RBMS2: variants seen among roughly 807,000 people sequenced by gnomAD.
The protein encoded by RBMS2 is RNA binding motif single stranded interacting protein 2.
Under a neutral mutation model 58.4 loss-of-function variants are expected in RBMS2, and 38 were observed. The observed-to-expected ratio is 0.65, with a 90% CI of 0.50 to 0.85. RBMS2 has a LOEUF of 0.85. Ranked by LOEUF, RBMS2 falls within the 40% of genes least tolerant of loss-of-function variation. The probability of loss-of-function intolerance (pLI) is 0.00; values close to 1 mark genes in which losing one functional copy is unlikely to be tolerated. For missense variants in RBMS2, 367 were observed against 503.7 expected (o/e 0.73, Z 2.60); for synonymous variants, 151 against 180.7 (o/e 0.84, Z 1.32).
intron 1 of RBMS2, among the ~76,000 whole-genome samples, chr12:56,538,725 C>A (rs916703821): frequency 6.6e-6 from 1 of 151,946 alleles, no homozygotes; most frequent in Admixed American, 6.6e-5. Flanking sequence ...CGTGATCCAC[C>A]CGCCTTGGCC....
At chr12:56,524,811 C>T (rs1055720386) in intron 1 of RBMS2, among the ~76,000 whole-genome samples, 1 of 152,114 alleles carries the variant, frequency 6.6e-6, no homozygotes, top group Non-Finnish European at 1.5e-5. Flanking sequence ...CCTCCGCCTC[C>T]TGGGTTCAAG....
chr12:56,522,843 A>G (rs1592300884), intron 1 of RBMS2, among the ~76,000 whole-genome samples: 1 of 152,184 alleles, frequency 6.6e-6, no homozygotes. Flanking sequence ...GACAAGGAAT[A>G]TATTTGGCAG....
In RBMS2 at chr12:56,592,778, T is replaced by C. The variant is rs2136637381; in HGVS notation, c.*3645T>C. On this transcript the variant is annotated 3_prime_UTR_variant, in exon 14 of 14. Coordinates refer to ENST00000262031, the MANE Select transcript of RBMS2 (RefSeq NM_002898.4). The stretch of plus-strand genomic sequence containing the variant: ...TGCCCGCCTTAGCCTCCCAAAGTGC[T>C]GGGATTACAGGCGTGAGCCACCGCG... 1 of 152,280 alleles carries C rather than the reference T, an allele frequency of 6.6e-6. No individual in the cohort carries two copies. The highest frequency in any genetic ancestry group is 6.5e-5 in the Admixed American group (1 of 15,282). 9.4% of individuals were successfully genotyped at this position (152,280 alleles called of 1,614,324 possible). A position where few individuals can be genotyped will look rare whatever the true frequency, so the allele number is the denominator to read the frequency against.
chr12:56,548,321 C>T (rs1406363746), intron 1 of RBMS2, among the ~76,000 whole-genome samples: 2 of 152,040 alleles, frequency 1.3e-5, no homozygotes, highest in East Asian at 3.9e-4. Context: ...GTGGCGCATG[C>T]GTGTAATCCC....
At chr12:56,582,234 T>A in intron 9 of RBMS2, 82 bp downstream of exon 9, 1 of 1,226,538 alleles carries the variant, frequency 8.2e-7, no homozygotes, top group African/African-American at 1.5e-5. Flanking sequence ...TAGGAACTAC[T>A]TGTTTTTTGT....
intron 1 of RBMS2, among the ~76,000 whole-genome samples, chr12:56,523,609 A>G (rs1872141046): frequency 6.6e-6 from 1 of 152,076 alleles, no homozygotes; most frequent in Non-Finnish European, 1.5e-5. Flanking sequence ...TGAAACCCCA[A>G]ATTAGCTGGG....
chr12:56,574,725 A>G (rs536939829), intron 5 of RBMS2, among the ~76,000 whole-genome samples: 2 of 152,326 alleles, frequency 1.3e-5, no homozygotes, highest in Admixed American at 1.3e-4. Context: ...ATTCAGATTC[A>G]TGCAAAGTAT....
intron 1 of RBMS2, among the ~76,000 whole-genome samples, chr12:56,546,384 A>C (rs1244207276): frequency 6.0e-5 from 4 of 67,090 alleles, no homozygotes; most frequent in East Asian, 7.3e-4. Context: ...TTATAATGTA[A>C]AATATAATGT....
chr12:56,588,487 C>G, intron 12 of RBMS2, 113 bp downstream of exon 12: 7 of 1,014,982 alleles, frequency 6.9e-6, no homozygotes, highest in Non-Finnish European at 1.1e-5. Context: ...TCACAAATAG[C>G]TGGTAGGTAT....
At chr12:56,538,466 CTTTTTTTTTTTTTT>C (rs58534515) in intron 1 of RBMS2, among the ~76,000 whole-genome samples, 6 of 72,484 alleles carry the variant, frequency 8.3e-5, no homozygotes, top group African/African-American at 1.1e-4. Flanking sequence ...GTACTGATAT[CTTTTTTTTTTTTTT>C]TTTTTTTTTT....
rs1830295948 is a variant in RBMS2 at position 56,592,945 on chromosome 12, T to C, written c.*3812T>C. ...CCTAAGCCTCCCAAGTAGCTGGAAG[T>C]ACAGGCACATACTACCAAGCCCAGT... On this transcript the variant is annotated 3_prime_UTR_variant, in exon 14 of 14. Coordinates refer to ENST00000262031, the MANE Select transcript of RBMS2 (RefSeq NM_002898.4). 6.6e-6 allele frequency: 1 copy of C among 152,162 alleles called. No homozygotes were observed. The highest frequency in any genetic ancestry group is 1.5e-5 in the Non-Finnish European group (1 of 68,088). 9.4% of individuals were successfully genotyped at this position (152,162 alleles called of 1,614,324 possible).
chr12:56,582,300 G>A lies in RBMS2; in HGVS notation c.873+148G>A, dbSNP rs542758969. On this transcript the variant is annotated intron_variant, in intron 9 of 13. Coordinates refer to ENST00000262031, the MANE Select transcript of RBMS2 (RefSeq NM_002898.4). ...TACATAACAGCGTAAAAGATGATCT[G>A]TGCATGTGGTCATATATATGGTATA... is the stretch of plus-strand genomic sequence containing the variant. 75 of 687,994 alleles carry A rather than the reference G, an allele frequency of 1.1e-4. 1 individual carries two copies. In the South Asian group the frequency reaches 1.6e-3, roughly 15 times the overall value. The allele number at this position is 687,994 out of a possible 1,614,324, so 42.6% of individuals were successfully genotyped here.
At chr12:56,541,782 T>C (rs1391442125) in intron 1 of RBMS2, among the ~76,000 whole-genome samples, 1 of 152,186 alleles carries the variant, frequency 6.6e-6, no homozygotes, top group Admixed American at 6.6e-5. Context: ...GTGTATACTC[T>C]CTGCAGCTAG....
intron 1 of RBMS2, among the ~76,000 whole-genome samples, chr12:56,522,337 G>T (rs1871858694): frequency 6.6e-6 from 1 of 152,070 alleles, no homozygotes; most frequent in Non-Finnish European, 1.5e-5. Context: ...AATCAAGCTT[G>T]CAAGTTTGTA....
chr12:56,585,375 T>C (rs1884547141), intron 9 of RBMS2, among the ~76,000 whole-genome samples: 1 of 152,228 alleles, frequency 6.6e-6, no homozygotes, highest in South Asian at 2.1e-4. Flanking sequence ...TTAATTGAAA[T>C]GTCCTTGCAA....
At chr12:56,531,126 T>C (rs1210657122) in intron 1 of RBMS2, among the ~76,000 whole-genome samples, 1 of 152,224 alleles carries the variant, frequency 6.6e-6, no homozygotes, top group Non-Finnish European at 1.5e-5. Flanking sequence ...ATATGGTGTT[T>C]ATATAATTTT....
rs780939320 is a variant in RBMS2 at position 56,590,791 on chromosome 12, G to C, written c.*1658G>C. On this transcript the variant is annotated 3_prime_UTR_variant, in exon 14 of 14. Transcript: ENST00000262031. ...ATTGTTCTGGTGTGTGCTGTGCAATGGTGGGAAAGGACAAAGCTCTCTAAA... is the reference window on the plus strand; with the variant it reads ...ATTGTTCTGGTGTGTGCTGTGCAATCGTGGGAAAGGACAAAGCTCTCTAAA... The C allele has an allele frequency of 2.0e-5, 3 of 152,258 alleles. No homozygotes were observed. Among genetic ancestry groups the C allele is most frequent in the Non-Finnish European group, 4.4e-5 (3 of 68,106 alleles). 9.4% of individuals were successfully genotyped at this position (152,258 alleles called of 1,614,324 possible).
At chr12:56,569,304 G>T (rs1310717492) in intron 3 of RBMS2, among the ~76,000 whole-genome samples, 4 of 152,232 alleles carry the variant, frequency 2.6e-5, no homozygotes, top group African/African-American at 9.6e-5. Context: ...CCCTGGATGA[G>T]GTGGTAGAAG....
At chr12:56,588,528 C>G in intron 12 of RBMS2, 154 bp downstream of exon 12, 1 of 682,764 alleles carries the variant, frequency 1.5e-6, no homozygotes, top group Non-Finnish European at 2.5e-6. Context: ...GTGCTCGCTT[C>G]GGCAGCATGC....
Sources: gnomAD v4.1 joint callset for allele counts (sites outside exome capture counted in the v4.1 genomes callset) on GRCh38, gnomAD v4.1.1 for gene constraint, MANE v1.5 for transcripts, NCBI Gene and HGNC (gene_info 2026-07-23, HGNC 2026-07-21) for gene names.